Variants in KIF24 observed in about 807,000 individuals in gnomAD.
The protein encoded by KIF24 is kinesin family member 24.
Under a neutral mutation model 118.9 loss-of-function variants are expected in KIF24, and 81 were observed. That is an observed-to-expected ratio of 0.68 (90% CI 0.57 to 0.82). KIF24 has a LOEUF of 0.82. Ranked by LOEUF, KIF24 falls within the 40% of genes least tolerant of loss-of-function variation. The pLI is 0.00. For missense variants in KIF24, 1,560 were observed against 1,661.6 expected, an observed-to-expected ratio of 0.94 and a Z score of 1.06; for synonymous variants, 599 against 610.0, an observed-to-expected ratio of 0.98 and a Z score of 0.27.
At chr9:34,301,776 G>A (rs1297840400) in intron 3 of KIF24, among the ~76,000 whole-genome samples, 1 of 151,988 alleles carries the variant, frequency 6.6e-6, no homozygotes, top group African/African-American at 2.4e-5. Flanking sequence ...GGTTGAGGCT[G>A]CAGTGTGCCA....
Position 34,318,625 on chromosome 9 carries a change from G to A in KIF24, c.-25-7254C>T. 1 of 1,525,284 alleles carries A rather than the reference G, an allele frequency of 6.6e-7. No homozygotes were observed. The highest frequency in any genetic ancestry group is 8.9e-7 in the Non-Finnish European group (1 of 1,118,078). The allele number at this position is 1,525,284 out of a possible 1,614,324, so 94.5% of individuals were successfully genotyped here. A position where few individuals can be genotyped will look rare whatever the true frequency, so the allele number is the denominator to read the frequency against. ...ACATCCTGGTGTCGCCCGTGGTGGT[G>A]GCCTCGTCGTTGGGGCTCGTGTCGC... is the stretch of plus-strand genomic sequence containing the variant. On this transcript the variant is annotated intron_variant, in intron 1 of 12. Transcript: ENST00000402558. The surrounding 1 kb of genome is among the most constrained non-coding windows in gnomAD (Gnocchi z 4.9).
intron 9 of KIF24, among the ~76,000 whole-genome samples, 200 bp downstream of exon 9, chr9:34,262,901 G>C (rs533871443): frequency 6.6e-6 from 1 of 151,504 alleles, no homozygotes; most frequent in African/African-American, 2.4e-5. Context: ...AAGCATTTCA[G>C]ATTTCAGATT....
chr9:34,268,912 C>A (rs1198834366), intron 8 of KIF24, among the ~76,000 whole-genome samples: 1 of 152,130 alleles, frequency 6.6e-6, no homozygotes, highest in African/African-American at 2.4e-5. Flanking sequence ...GATCATGATA[C>A]TATTTGTTCT....
chr9:34,301,240 T>A (rs1836695560), intron 3 of KIF24, among the ~76,000 whole-genome samples: 1 of 152,100 alleles, frequency 6.6e-6, no homozygotes, highest in Admixed American at 6.6e-5. Context: ...CTTGACAGAA[T>A]CAGAGTTCCA....
In KIF24 at chr9:34,286,657, A is replaced by G. The variant is rs1304928607; in HGVS notation, c.1175T>C (p.Leu392Pro). The change falls in exon 6 of 13, where the codon CTG becomes CCG. Residue 392 changes from leucine (L) to proline (P), a missense_variant. Leu to Pro is a moderately conservative substitution (Grantham distance 98, BLOSUM62 -3). This residue lies in a region of KIF24 where 964 missense variants were observed against 988.0 expected (regional missense o/e 0.98). Coordinates refer to ENST00000402558, the MANE Select transcript of KIF24 (RefSeq NM_194313.4). ...DSKHMVQIVG[L>P]QELQVDSVEL... ...CACACTGTCCACCTGAAGCTCTTGC[A>G]GTCCCACTATCTGCACCATGTGCTT... The G allele has an allele frequency of 1.2e-6, 2 of 1,613,548 alleles. No individual in the cohort carries two copies. Among genetic ancestry groups the G allele is most frequent in the Admixed American group, 3.3e-5 (2 of 60,002 alleles).
At chr9:34,312,444 T>C (rs1329894395) in intron 1 of KIF24, among the ~76,000 whole-genome samples, 1 of 152,212 alleles carries the variant, frequency 6.6e-6, no homozygotes, top group Non-Finnish European at 1.5e-5. Flanking sequence ...ATACAGTACA[T>C]TTTCTTTTTT....
Position 34,318,978 on chromosome 9 carries a change from T to G in KIF24, c.-25-7607A>C. On this transcript the variant is annotated intron_variant, in intron 1 of 12. Coordinates refer to ENST00000402558, the MANE Select transcript of KIF24 (RefSeq NM_194313.4). The surrounding 1 kb of genome is among the most constrained non-coding windows in gnomAD (Gnocchi z 4.9). ...AAGCTGCCCAAGGTCACCAAGGACA[T>G]GGAGTGCATGGATGGCGCCCTGCTT... The G allele has an allele frequency of 1.5e-6, 2 of 1,293,078 alleles. No homozygotes were observed. Among genetic ancestry groups the G allele is most frequent in the Non-Finnish European group, 2.2e-6 (2 of 892,932 alleles). The allele number at this position is 1,293,078 out of a possible 1,614,324, so 80.1% of individuals were successfully genotyped here.
intron 2 of KIF24, among the ~76,000 whole-genome samples, chr9:34,307,401 T>TAA (rs145662656): frequency 2.1e-5 from 3 of 143,908 alleles, no homozygotes; most frequent in African/African-American, 5.1e-5. Context: ...TGAATTGGTT[T>TAA]AAAAAAAAAA....
At position 34,318,995 on chromosome 9, in the gene KIF24, G is replaced by A. The variant is rs550481644; in HGVS notation, c.-25-7624C>T. On this transcript the variant is annotated intron_variant, in intron 1 of 12. Transcript: ENST00000402558. This position sits in a 1 kb window ranked among gnomAD's most constrained non-coding sequence, Gnocchi z 4.9. ...CAAGGACATGGAGTGCATGGATGGC[G>A]CCCTGCTTGTCAACACCATGTTCTT... 3.1e-5 allele frequency: 39 copies of A among 1,238,636 alleles called. No homozygotes were observed. Among genetic ancestry groups the A allele is most frequent in the Middle Eastern group, 1.9e-4 (1 of 5,358 alleles). 76.7% of individuals were successfully genotyped at this position (1,238,636 alleles called of 1,614,324 possible).
In KIF24 at chr9:34,259,578, A is replaced by G; in HGVS notation, c.1625+18T>C. On this transcript the variant is annotated intron_variant, in intron 10 of 12. Transcript: ENST00000402558. Reference sequence around the variant, plus strand: ...CATGCACACTTACACACAACCTGCCATCTGGGAGCTGACTTACCGGTCAGC... The same window carrying G: ...CATGCACACTTACACACAACCTGCCGTCTGGGAGCTGACTTACCGGTCAGC... 6.3e-7 allele frequency: 1 copy of G among 1,595,088 alleles called. No individual in the cohort carries two copies. Among genetic ancestry groups the G allele is most frequent in the South Asian group, 1.1e-5 (1 of 90,666 alleles).
intron 6 of KIF24, among the ~76,000 whole-genome samples, chr9:34,285,957 A>G (rs571336456): frequency 6.6e-6 from 1 of 151,292 alleles, no homozygotes; most frequent in African/African-American, 2.4e-5. Flanking sequence ...AAAAGTAAAA[A>G]GAATTTAAAG....
chr9:34,272,020 CAT>C, intron 6 of KIF24, 90 bp from the exon 7 acceptor site: 1 of 1,231,038 alleles, frequency 8.1e-7, no homozygotes, highest in Non-Finnish European at 1.1e-6. Context: ...AGACAGCAGA[CAT>C]ATAATTGTGT....
chr9:34,265,957 A>G (rs1246856876), intron 8 of KIF24, among the ~76,000 whole-genome samples: 1 of 151,974 alleles, frequency 6.6e-6, no homozygotes, highest in Non-Finnish European at 1.5e-5. Flanking sequence ...CAGTGGTACA[A>G]TCATGGCTCA....
chr9:34,254,545 A>G (rs1834743314), intron 12 of KIF24, 25 bp from the exon 13 acceptor site: 2 of 1,609,356 alleles, frequency 1.2e-6, no homozygotes, highest in East Asian at 4.5e-5. Context: ...AGGGACGAAT[A>G]CAGCTTTTGC....
intron 6 of KIF24, among the ~76,000 whole-genome samples, chr9:34,275,257 G>A (rs1835616607): frequency 6.6e-6 from 1 of 152,014 alleles, no homozygotes; most frequent in African/African-American, 2.4e-5. Context: ...AGCCAGGTAT[G>A]GTGATGTACA....
At chr9:34,322,232 A>G (rs1289910884) in intron 1 of KIF24, among the ~76,000 whole-genome samples, 1 of 152,168 alleles carries the variant, frequency 6.6e-6, no homozygotes, top group Non-Finnish European at 1.5e-5. Context: ...TACTCTTCTA[A>G]TACACCCCAT....
chr9:34,255,953 C>T lies in KIF24; in HGVS notation c.3654G>A (p.Gln1218=). The T allele has an allele frequency of 6.2e-7, 1 of 1,613,964 alleles. No individual in the cohort carries two copies. Among genetic ancestry groups the T allele is most frequent in the Non-Finnish European group, 8.5e-7 (1 of 1,179,850 alleles). ...GATGTTTTCTCTCCTGGGCCCAGAG[C>T]TGGTCAGCCACATCACTACTTCCTG... ...PRTGSSDVAD[Q]LWAQERKHPT... The change falls in exon 11 of 13, where the codon CAG becomes CAA. Residue 1218 remains glutamine, a synonymous_variant. Coordinates refer to ENST00000402558, the MANE Select transcript of KIF24 (RefSeq NM_194313.4).
At chr9:34,331,332 C>T (rs180869660), upstream of KIF24, among the ~76,000 whole-genome samples, 1 of 152,252 alleles carries the variant, frequency 6.6e-6, no homozygotes, top group African/African-American at 2.4e-5. Context: ...TAATGTCAGA[C>T]CCTCTATATA....
rs143167489 is a variant in KIF24 at position 34,256,935 on chromosome 9, C to A, written c.2672G>T (p.Ser891Ile). ...RTGDKKDLTK[S>I]WVDSRDPINH... ...TATGGGGTCCCTGGAGTCCACCCAG[C>A]TTTTAGTTAGATCTTTCTTGTCACC... The change falls in exon 11 of 13, where the codon AGC becomes ATC. Residue 891 changes from serine to isoleucine, a missense_variant. Coordinates refer to ENST00000402558, the MANE Select transcript of KIF24 (RefSeq NM_194313.4). The A allele has an allele frequency of 1.9e-6, 3 of 1,613,838 alleles. No homozygotes were observed. The African/African-American group carries it at 4.0e-5, about 22-fold the overall frequency.
Sources: allele counts gnomAD v4.1 joint callset (sites outside exome capture counted in the v4.1 genomes callset), GRCh38; gene constraint gnomAD v4.1.1; regional missense constraint gnomAD v4.1.1; non-coding constraint Gnocchi (gnomAD v3.1); transcripts MANE v1.5; gene names NCBI Gene and HGNC (gene_info 2026-07-23, HGNC 2026-07-21).